NRG3: variants seen among roughly 807,000 people sequenced by gnomAD.
NRG3 encodes the protein neuregulin 3.
In NRG3, 31 loss-of-function variants were observed where a neutral mutation model predicts 66.9. That is an observed-to-expected ratio of 0.46 (90% CI 0.35 to 0.63). The LOEUF (loss-of-function observed/expected upper bound fraction) is 0.63. NRG3 is among the 20% of genes least tolerant of loss of function. The pLI is 0.00. For synonymous variants in NRG3, 393 were observed against 359.4 expected (o/e 1.09, Z -1.06); for missense variants, 910 against 878.9 (o/e 1.04, Z -0.45).
chr10:82,581,314 T>A (rs1386344417), intron 2 of NRG3, among the ~76,000 whole-genome samples: 1 of 152,092 alleles, frequency 6.6e-6, no homozygotes, highest in Non-Finnish European at 1.5e-5. Context: ...AAAAAATTCC[T>A]TATATATTTT....
intron 1 of NRG3, among the ~76,000 whole-genome samples, chr10:81,945,089 T>G (rs1848733323): frequency 6.6e-6 from 1 of 152,136 alleles, no homozygotes; most frequent in African/African-American, 2.4e-5. Context: ...CACCTACTTC[T>G]CAGGGCTCTT....
chr10:82,981,716 G>T (rs569322853), intron 8 of NRG3, among the ~76,000 whole-genome samples: 2 of 152,288 alleles, frequency 1.3e-5, no homozygotes, highest in South Asian at 2.1e-4. Flanking sequence ...GTGGAGAGGA[G>T]ATTCTTGAGG....
chr10:82,824,600 T>C (rs992466665), intron 3 of NRG3, among the ~76,000 whole-genome samples: 1 of 152,200 alleles, frequency 6.6e-6, no homozygotes, highest in Non-Finnish European at 1.5e-5. Flanking sequence ...GTGATTTTTA[T>C]TTTCCTCTAC....
Position 82,283,850 on chromosome 10 carries a change from T to G in NRG3, c.824-74889T>G, listed in dbSNP as rs114881490. 5.5e-3 allele frequency among the ~76,000 whole-genome samples: 836 copies of G among 152,294 alleles called. 6 individuals are homozygous for G. The highest frequency in any genetic ancestry group is 0.019 in the African/African-American group (777 of 41,560). ...AGCCTATTGTTGTTTTATCTTTGAATTTTTGACAACCCAGAACATGCCACA... is the reference window on the plus strand; with the variant it reads ...AGCCTATTGTTGTTTTATCTTTGAAGTTTTGACAACCCAGAACATGCCACA... On this transcript the variant is annotated intron_variant, in intron 1 of 8. Coordinates refer to ENST00000372141, the MANE Select transcript of NRG3 (RefSeq NM_001010848.4).
At chr10:82,343,445 A>G (rs2082789824) in intron 1 of NRG3, among the ~76,000 whole-genome samples, 1 of 152,198 alleles carries the variant, frequency 6.6e-6, no homozygotes, top group African/African-American at 2.4e-5. Flanking sequence ...TGAAGAATCA[A>G]TATCATTAAA....
chr10:82,941,371 T>A (rs954076192), intron 4 of NRG3, among the ~76,000 whole-genome samples: 2 of 152,226 alleles, frequency 1.3e-5, no homozygotes, highest in African/African-American at 4.8e-5. Context: ...GAACTCTTTG[T>A]TCATTTTTAT....
intron 1 of NRG3, among the ~76,000 whole-genome samples, chr10:82,249,325 G>T (rs2077382908): frequency 6.6e-6 from 1 of 152,090 alleles, no homozygotes; most frequent in African/African-American, 2.4e-5. Flanking sequence ...AATAGAGCTG[G>T]ATATTCACTT....
chr10:82,004,180 A>ATTTTAT (rs2133709049), intron 1 of NRG3, among the ~76,000 whole-genome samples: 1 of 152,292 alleles, frequency 6.6e-6, no homozygotes, highest in Non-Finnish European at 1.5e-5. Context: ...AAAGGTAAGA[A>ATTTTAT]TTTTATTTTT....
At position 82,843,289 on chromosome 10, in the gene NRG3, C is replaced by T. The variant is rs1003925238; in HGVS notation, c.1028-22122C>T. On this transcript the variant is annotated intron_variant, in intron 3 of 8. Transcript: ENST00000372141. ...GGTTACACCCACCTTATGGGTGGGA[C>T]GGGTGTCATTCTCAAAGGACAATTT... 9.8e-5 allele frequency: 44 copies of T among 450,484 alleles called. 1 individual carries two copies. In the East Asian group the frequency reaches 1.8e-3, roughly 19 times the overall value. The allele number at this position is 450,484 out of a possible 1,614,324, so 27.9% of individuals were successfully genotyped here.
At chr10:82,588,792 C>T (rs1352165597) in intron 2 of NRG3, among the ~76,000 whole-genome samples, 1 of 152,142 alleles carries the variant, frequency 6.6e-6, no homozygotes, top group African/African-American at 2.4e-5. Flanking sequence ...TGAGCCACCG[C>T]ACCCAGCCTA....
chr10:82,189,619 G>A (rs533184744), intron 1 of NRG3, among the ~76,000 whole-genome samples: 4 of 151,994 alleles, frequency 2.6e-5, no homozygotes, highest in Non-Finnish European at 5.9e-5. Flanking sequence ...GTAAAGCCCC[G>A]TCTCTACTAA....
chr10:81,922,243 C>A (rs950852542), intron 1 of NRG3, among the ~76,000 whole-genome samples: 1 of 152,114 alleles, frequency 6.6e-6, no homozygotes, highest in East Asian at 1.9e-4. Context: ...CGTTTTTTAA[C>A]AAATCCTCCT....
intron 1 of NRG3, among the ~76,000 whole-genome samples, chr10:81,993,246 G>C (rs1399361299): frequency 2.0e-5 from 3 of 152,286 alleles, no homozygotes; most frequent in African/African-American, 7.2e-5. Context: ...ATAGTCTACT[G>C]TTCTCATTTT....
At chr10:82,054,277 A>T (rs1036295130) in intron 1 of NRG3, among the ~76,000 whole-genome samples, 7 of 152,196 alleles carry the variant, frequency 4.6e-5, no homozygotes, top group Admixed American at 1.3e-4. Flanking sequence ...GTGAGAAATG[A>T]TGACAGCTTA....
At chr10:82,604,492 T>C (rs974934129) in intron 2 of NRG3, among the ~76,000 whole-genome samples, 2 of 152,206 alleles carry the variant, frequency 1.3e-5, no homozygotes, top group Non-Finnish European at 2.9e-5. Flanking sequence ...ACAGCTGTTA[T>C]ACACATTTGT....
At chr10:82,533,904 T>A (rs1847552645) in intron 2 of NRG3, among the ~76,000 whole-genome samples, 1 of 152,124 alleles carries the variant, frequency 6.6e-6, no homozygotes, top group African/African-American at 2.4e-5. Flanking sequence ...ATAAATGAAT[T>A]CAGCAAAGTT....
rs199553199 is a variant in NRG3 at position 82,809,374 on chromosome 10, ATATAT to A, written c.1028-56030_1028-56026del. Among the ~76,000 whole-genome samples the A allele has an allele frequency of 3.2e-3, 488 of 151,842 alleles. 13 individuals carry two copies. The highest frequency in any genetic ancestry group is 0.025 in the Admixed American group (376 of 15,224). ...AAAATATATCATTTATACAAAAAATATATATTATATTTATAAAATGTGAAAAAAAC... is the reference window on the plus strand; with the variant it reads ...AAAATATATCATTTATACAAAAAATATATATTTATAAAATGTGAAAAAAAC... On this transcript the variant is annotated intron_variant, in intron 3 of 8. Transcript: ENST00000372141.
intron 3 of NRG3, among the ~76,000 whole-genome samples, chr10:82,770,905 G>GA (rs1411474962): frequency 1.3e-5 from 2 of 152,100 alleles, no homozygotes; most frequent in African/African-American, 2.4e-5. Context: ...AGAATGAAGA[G>GA]AAAAAATAAA....
intron 4 of NRG3, among the ~76,000 whole-genome samples, chr10:82,911,369 C>T (rs1302730813): frequency 2.6e-5 from 4 of 151,880 alleles, no homozygotes; most frequent in Non-Finnish European, 4.4e-5. Context: ...AAGCTCAACA[C>T]GAAACCCCAG....
Sources: gnomAD v4.1 joint callset for allele counts (sites outside exome capture counted in the v4.1 genomes callset) on GRCh38, gnomAD v4.1.1 for gene constraint, MANE v1.5 for transcripts, NCBI Gene and HGNC (gene_info 2026-07-23, HGNC 2026-07-21) for gene names.